PAMR1: variants seen among roughly 807,000 people sequenced by gnomAD.
The protein encoded by PAMR1 is peptidase domain containing associated with muscle regeneration 1, also known as inactive serine protease PAMR1.
A neutral mutation model predicts 81.8 loss-of-function variants in PAMR1; 88 were observed. The ratio of observed to expected loss-of-function variants is 1.08; its 90% CI spans 0.91 to 1.28. PAMR1 has a LOEUF of 1.28. Among genes scored for constraint, PAMR1 ranks in the 50% most tolerant of loss-of-function variants. The probability of loss-of-function intolerance (pLI) is 0.00; values close to 1 mark genes in which losing one functional copy is unlikely to be tolerated. For missense variants in PAMR1, 935 were observed against 919.7 expected (o/e 1.02, Z -0.21); for synonymous variants, 336 against 345.3 (o/e 0.97, Z 0.30).
chr11:35,490,774 A>T (rs1403995450), intron 3 of PAMR1, among the ~76,000 whole-genome samples: 1 of 152,226 alleles, frequency 6.6e-6, no homozygotes, highest in Non-Finnish European at 1.5e-5. Context: ...CTTCACACAC[A>T]TTATCTCATT....
At chr11:35,439,787 C>T in intron 7 of PAMR1, 94 bp from the exon 8 acceptor site, 1 of 1,024,362 alleles carries the variant, frequency 9.8e-7, no homozygotes, top group Admixed American at 1.8e-5. Context: ...CACTTCTGGA[C>T]ACCAGGTGCC....
chr11:35,477,126 C>T (rs1850299276), intron 3 of PAMR1, among the ~76,000 whole-genome samples: 1 of 152,152 alleles, frequency 6.6e-6, no homozygotes, highest in African/African-American at 2.4e-5. Flanking sequence ...ATTCTATGGT[C>T]AATATTATTA....
intron 6 of PAMR1, among the ~76,000 whole-genome samples, chr11:35,462,770 C>T (rs1192215764): frequency 6.6e-6 from 1 of 152,118 alleles, no homozygotes; most frequent in African/African-American, 2.4e-5. Context: ...AAGTGAGGCT[C>T]ATAGGAGCTA....
intron 6 of PAMR1, among the ~76,000 whole-genome samples, chr11:35,450,169 A>G (rs988320494): frequency 1.9e-4 from 27 of 142,312 alleles, no homozygotes; most frequent in African/African-American, 6.6e-4. Context: ...ATCTCTATTC[A>G]GATAACACCT....
At chr11:35,515,460 T>C (rs1179854298) in intron 1 of PAMR1, among the ~76,000 whole-genome samples, 1 of 152,172 alleles carries the variant, frequency 6.6e-6, no homozygotes, top group South Asian at 2.1e-4. Context: ...GGCAGGCTAG[T>C]CCTTATTATA....
intron 6 of PAMR1, among the ~76,000 whole-genome samples, chr11:35,449,377 C>A (rs963920871): frequency 6.6e-6 from 1 of 152,154 alleles, no homozygotes; most frequent in Non-Finnish European, 1.5e-5. Flanking sequence ...AGGCTCTGTC[C>A]CAGGAAGACT....
intron 3 of PAMR1, among the ~76,000 whole-genome samples, chr11:35,483,788 C>A (rs1850445446): frequency 6.6e-6 from 1 of 152,172 alleles, no homozygotes; most frequent in Admixed American, 6.5e-5. Flanking sequence ...TCACCAGAAG[C>A]TGAGCTATGA....
At chr11:35,469,959 C>T (rs1856821289) in intron 5 of PAMR1, among the ~76,000 whole-genome samples, 1 of 152,146 alleles carries the variant, frequency 6.6e-6, no homozygotes. Context: ...GCAAGAGTTA[C>T]AGTCAGGCTT....
At chr11:35,507,045 T>TCC (rs1565358331) in intron 1 of PAMR1, among the ~76,000 whole-genome samples, 3 of 100,816 alleles carry the variant, frequency 3.0e-5, no homozygotes, top group South Asian at 3.5e-4. Context: ...CTGACTTTTT[T>TCC]TTTTTTTTTT....
intron 5 of PAMR1, among the ~76,000 whole-genome samples, chr11:35,469,647 G>C (rs913055892): frequency 6.6e-6 from 1 of 152,158 alleles, no homozygotes; most frequent in Non-Finnish European, 1.5e-5. Flanking sequence ...GGGGTAGACC[G>C]GGGAGCAGGG....
rs142141065 is a variant in PAMR1 at position 35,519,527 on chromosome 11, C to T, written c.73+5986G>A. Among the ~76,000 whole-genome samples the T allele has an allele frequency of 7.6e-3, 1,158 of 152,314 alleles. 16 individuals carry two copies. Among genetic ancestry groups the T allele is most frequent in the African/African-American group, 0.027 (1,104 of 41,574 alleles). ...TTACCATGGGACAAAGAAATTCTCA[C>T]CTCTCATGTCTACTGGGAGCAAGGT... On this transcript the variant is annotated intron_variant, in intron 1 of 10. Transcript: ENST00000619888.
At chr11:35,457,829 A>C (rs1022158375) in intron 6 of PAMR1, among the ~76,000 whole-genome samples, 7 of 152,224 alleles carry the variant, frequency 4.6e-5, no homozygotes, top group Non-Finnish European at 1.5e-5. Flanking sequence ...TCTGGGAGAC[A>C]GTGTGGAGCA....
chr11:35,439,545 G>T, intron 8 of PAMR1, 82 bp downstream of exon 8: 1 of 1,132,368 alleles, frequency 8.8e-7, no homozygotes, highest in Non-Finnish European at 1.3e-6. Context: ...GACTATCTTT[G>T]GCCAAACACA....
chr11:35,481,664 A>C (rs1375029210), intron 3 of PAMR1, among the ~76,000 whole-genome samples: 1 of 152,150 alleles, frequency 6.6e-6, no homozygotes, highest in Admixed American at 6.5e-5. Context: ...CTGGGAGTAC[A>C]GAAGCATGCC....
At chr11:35,491,906 T>G (rs1401603828) in intron 3 of PAMR1, 139 bp downstream of exon 3, 1 of 707,134 alleles carries the variant, frequency 1.4e-6, no homozygotes, top group Non-Finnish European at 2.3e-6. Flanking sequence ...CATCTTTGTT[T>G]TTATAGTTTT....
chr11:35,460,473 T>C, intron 6 of PAMR1, among the ~76,000 whole-genome samples: 1 of 152,130 alleles, frequency 6.6e-6, no homozygotes, highest in African/African-American at 2.4e-5. Flanking sequence ...TTTCCCTCCC[T>C]ACTCCCCCCA....
intron 1 of PAMR1, among the ~76,000 whole-genome samples, chr11:35,514,043 T>A (rs759145676): frequency 5.9e-5 from 9 of 152,144 alleles, no homozygotes; most frequent in Non-Finnish European, 1.0e-4. Flanking sequence ...GGGATTCTGA[T>A]CTTCTGGGCT....
chr11:35,450,730 A>G (rs960389295), intron 6 of PAMR1, among the ~76,000 whole-genome samples: 1 of 152,240 alleles, frequency 6.6e-6, no homozygotes, highest in Admixed American at 6.5e-5. Context: ...GGGAGATTTC[A>G]TTTAAAAATC....
chr11:35,529,758 C>T (rs1158879959), upstream of PAMR1, among the ~76,000 whole-genome samples: 1 of 152,132 alleles, frequency 6.6e-6, no homozygotes, highest in African/African-American at 2.4e-5. Context: ...ACAAGAAAGG[C>T]TGTGTATGAA....
Sources: allele counts gnomAD v4.1 joint callset (sites outside exome capture counted in the v4.1 genomes callset), GRCh38; gene constraint gnomAD v4.1.1; transcripts MANE v1.5; gene names NCBI Gene and HGNC (gene_info 2026-07-23, HGNC 2026-07-21).